PTBP2: variants seen among roughly 807,000 people sequenced by gnomAD.
PTBP2 encodes the protein polypyrimidine tract-binding protein 2.
A neutral mutation model predicts 61.4 loss-of-function variants in PTBP2; 13 were observed. The observed-to-expected ratio is 0.21, with a 90% CI of 0.14 to 0.34. The LOEUF is 0.34. PTBP2 is among the 10% of genes least tolerant of loss of function. The pLI, the probability that PTBP2 is intolerant of heterozygous loss-of-function variation, is 1.00. For synonymous variants in PTBP2, 215 were observed against 218.5 expected, an observed-to-expected ratio of 0.98 and a Z score of 0.14; for missense variants, 405 against 642.6, an observed-to-expected ratio of 0.63 and a Z score of 4.00.
intron 2 of PTBP2, among the ~76,000 whole-genome samples, chr1:96,745,659 G>A (rs1653654499): frequency 6.6e-6 from 1 of 151,816 alleles, no homozygotes; most frequent in Admixed American, 6.6e-5. Context: ...CTAATAAATA[G>A]CCGTATTTTT....
At chr1:96,813,179 T>C in intron 13 of PTBP2, 73 bp downstream of exon 13, 3 of 1,541,908 alleles carry the variant, frequency 1.9e-6, no homozygotes, top group East Asian at 4.5e-5. Flanking sequence ...TTTTCGTTTA[T>C]AGAAATTTTT....
rs12075067 is a variant in PTBP2 at position 96,776,430 on chromosome 1, A to G, written c.433-1155A>G. ...TTTTGACTAATACATAAATTTATAG[A>G]TAAAATTAAGTAGCATTTAAATGAT... On this transcript the variant is annotated intron_variant, in intron 5 of 13. Transcript: ENST00000674951. Among the ~76,000 whole-genome samples, 186 of 152,124 alleles carry G rather than the reference A, an allele frequency of 1.2e-3. 1 individual carries two copies. The highest frequency in any genetic ancestry group is 4.4e-3 in the African/African-American group (183 of 41,556).
At chr1:96,758,685 T>C (rs1433174733) in intron 3 of PTBP2, among the ~76,000 whole-genome samples, 2 of 152,044 alleles carry the variant, frequency 1.3e-5, no homozygotes, top group Non-Finnish European at 2.9e-5. Context: ...AAATAAGGGG[T>C]ATCTACTAAG....
intron 3 of PTBP2, among the ~76,000 whole-genome samples, chr1:96,753,659 G>T (rs963109278): frequency 6.6e-6 from 1 of 152,066 alleles, no homozygotes; most frequent in Non-Finnish European, 1.5e-5. Flanking sequence ...AGCAGACAAG[G>T]ACGATAAGTA....
rs1658181838 is a variant in PTBP2 at position 96,777,572 on chromosome 1, T to C, written c.433-13T>C. 6.3e-7 allele frequency: 1 copy of C among 1,596,792 alleles called. No homozygotes were observed. The highest frequency in any genetic ancestry group is 1.8e-5 in the Admixed American group (1 of 56,852). On this transcript the variant is annotated splice_polypyrimidine_tract_variant and intron_variant, in intron 5 of 13. Transcript: ENST00000674951. ...ATGGGTATGTTTCTAAACTACATAA[T>C]CTTAATTTCCAGCGTGCTCAGGCAG...
chr1:96,734,594 G>T (rs1312772456), intron 2 of PTBP2, among the ~76,000 whole-genome samples: 6 of 150,614 alleles, frequency 4.0e-5, no homozygotes, highest in Non-Finnish European at 8.9e-5. Flanking sequence ...TTTTTAAGTT[G>T]CATTTCATTT....
intron 1 of PTBP2, among the ~76,000 whole-genome samples, chr1:96,722,377 C>T (rs1013580309): frequency 3.3e-5 from 5 of 151,936 alleles, no homozygotes; most frequent in African/African-American, 9.7e-5. Flanking sequence ...GCCCGGCCCT[C>T]CGTGGTCGGG....
chr1:96,807,462 T>C (rs1332936042), intron 11 of PTBP2, among the ~76,000 whole-genome samples: 2 of 152,200 alleles, frequency 1.3e-5, no homozygotes, highest in Non-Finnish European at 2.9e-5. Flanking sequence ...ATTACTTAAA[T>C]AAGTAATTGA....
At chr1:96,733,956 A>G (rs1651793725) in intron 2 of PTBP2, among the ~76,000 whole-genome samples, 1 of 152,194 alleles carries the variant, frequency 6.6e-6, no homozygotes. Flanking sequence ...TATATTGTTA[A>G]TTATTTTAGT....
At chr1:96,743,304 G>A (rs72974596) in intron 2 of PTBP2, among the ~76,000 whole-genome samples, 6,754 of 151,554 alleles carry the variant, frequency 0.045, 472 homozygotes, top group African/African-American at 0.15. Flanking sequence ...TCCACTTTCT[G>A]GATTCTGCTG....
At chr1:96,739,882 C>T (rs1386739265) in intron 2 of PTBP2, among the ~76,000 whole-genome samples, 1 of 151,932 alleles carries the variant, frequency 6.6e-6, no homozygotes, top group Non-Finnish European at 1.5e-5. Context: ...CCTCGGCCTC[C>T]CAAAGTGCTG....
Position 96,721,860 on chromosome 1 carries a change from C to T in PTBP2, c.-5C>T, listed in dbSNP as rs963306477. ...CTTGTGAGCGAAGCTTTGTCCGGTTCGGCAATGGACGGGTATGTAATCGGG... is the reference window on the plus strand; with the variant it reads ...CTTGTGAGCGAAGCTTTGTCCGGTTTGGCAATGGACGGGTATGTAATCGGG... On this transcript the variant is annotated 5_prime_UTR_variant, in exon 1 of 14. Coordinates refer to ENST00000674951, the MANE Select transcript of PTBP2 (RefSeq NM_021190.4). The T allele has an allele frequency of 5.7e-6, 9 of 1,572,238 alleles. No individual in the cohort carries two copies. Among genetic ancestry groups the T allele is most frequent in the Non-Finnish European group, 7.8e-6 (9 of 1,158,870 alleles).
rs1435104672 is a variant in PTBP2, at chr1:96,803,746, GAA to G, written c.905-1052_905-1051del. On this transcript the variant is annotated intron_variant, in intron 8 of 13. Coordinates refer to ENST00000674951, the MANE Select transcript of PTBP2 (RefSeq NM_021190.4). Reference sequence around the variant, plus strand: ...ATGAAATGCACCAGAAAGCTGGAAAGAAAGAAGAAATAAAATGTGAACTTATG... The same window carrying G: ...ATGAAATGCACCAGAAAGCTGGAAAGAGAAGAAATAAAATGTGAACTTATG... Among the ~76,000 whole-genome samples the G allele has an allele frequency of 2.0e-5, 3 of 152,244 alleles. No homozygotes were observed. In the East Asian group the frequency reaches 5.8e-4, roughly 29 times the overall value.
At chr1:96,749,269 C>T (rs1156541190) in intron 2 of PTBP2, among the ~76,000 whole-genome samples, 1 of 152,076 alleles carries the variant, frequency 6.6e-6, no homozygotes, top group Non-Finnish European at 1.5e-5. Flanking sequence ...TGATCCACTG[C>T]AATCACAAGT....
At chr1:96,748,730 CA>C (rs1654159113) in intron 2 of PTBP2, among the ~76,000 whole-genome samples, 1 of 152,096 alleles carries the variant, frequency 6.6e-6, no homozygotes. Flanking sequence ...TTTCAACAGT[CA>C]TTAATGTGGG....
At chr1:96,809,178 A>G (rs1004396058) in intron 11 of PTBP2, among the ~76,000 whole-genome samples, 8 of 151,890 alleles carry the variant, frequency 5.3e-5, no homozygotes, top group African/African-American at 1.7e-4. Context: ...AATCTATTAT[A>G]GTGGTGGATT....
intron 2 of PTBP2, among the ~76,000 whole-genome samples, chr1:96,750,136 C>G (rs575122893): frequency 6.6e-6 from 1 of 151,742 alleles, no homozygotes; most frequent in Non-Finnish European, 1.5e-5. Context: ...TGGGATTGGA[C>G]CTGAGAACAT....
intron 2 of PTBP2, among the ~76,000 whole-genome samples, chr1:96,744,529 T>A (rs1227075345): frequency 6.6e-6 from 1 of 152,172 alleles, no homozygotes; most frequent in African/African-American, 2.4e-5. Context: ...TATGTCTTGA[T>A]CAGTGAAGAT....
Position 96,799,906 on chromosome 1 carries a change from G to A in PTBP2, c.905-4894G>A, listed in dbSNP as rs191475775. On this transcript the variant is annotated intron_variant, in intron 8 of 13. Coordinates refer to ENST00000674951, the MANE Select transcript of PTBP2 (RefSeq NM_021190.4). ...TGACAAAGTAGTTTTTCAGACAAAAGTATATTGAGGGAAATTGGAGAATCT... is the reference window on the plus strand; with the variant it reads ...TGACAAAGTAGTTTTTCAGACAAAAATATATTGAGGGAAATTGGAGAATCT... 2.9e-3 allele frequency among the ~76,000 whole-genome samples: 441 copies of A among 152,284 alleles called. 2 individuals carry two copies. The highest frequency in any genetic ancestry group is 0.01 in the African/African-American group (431 of 41,556).
Sources: gnomAD v4.1 joint callset for allele counts (sites outside exome capture counted in the v4.1 genomes callset) on GRCh38, gnomAD v4.1.1 for gene constraint, MANE v1.5 for transcripts, NCBI Gene and HGNC (gene_info 2026-07-23, HGNC 2026-07-21) for gene names.